Variants in C16orf95 observed in about 807,000 individuals in gnomAD.
C16orf95 encodes the protein uncharacterized protein C16orf95.
C16orf95 carries 41 observed loss-of-function variants against 32.1 expected under a neutral mutation model. That is an observed-to-expected ratio of 1.28 (90% CI 1.00 to 1.66). The LOEUF (loss-of-function observed/expected upper bound fraction) is 1.66. Among genes scored for constraint, C16orf95 ranks in the 40% most tolerant of loss-of-function variants. The probability of loss-of-function intolerance (pLI) is 0.00; values close to 1 mark genes in which losing one functional copy is unlikely to be tolerated. For missense variants in C16orf95, 399 were observed against 325.9 expected, an observed-to-expected ratio of 1.22 and a Z score of -1.73; for synonymous variants, 147 against 128.9, an observed-to-expected ratio of 1.14 and a Z score of -0.95.
At chr16:87,315,650 C>T (rs1039212961) in intron 2 of C16orf95, 122 bp downstream of exon 2, 1 of 764,648 alleles carries the variant, frequency 1.3e-6, no homozygotes. Context: ...CCTGCAACCA[C>T]ACTTTTGTGT....
In C16orf95 at chr16:87,314,956, G is replaced by A. The variant is rs1012802629; in HGVS notation, c.330+15C>T. 6.5e-7 allele frequency: 1 copy of A among 1,535,328 alleles called. No homozygotes were observed. The highest frequency in any genetic ancestry group is 1.2e-5 in the South Asian group (1 of 83,984). Reference sequence around the variant, plus strand: ...CTGGACCCTAGGGGAAGACCTCCTGGTTCAAGTCACCTACCTGCTTTCGGG... The same window carrying A: ...CTGGACCCTAGGGGAAGACCTCCTGATTCAAGTCACCTACCTGCTTTCGGG... On this transcript the variant is annotated intron_variant, in intron 3 of 6. Coordinates refer to ENST00000567970, the MANE Select transcript of C16orf95 (RefSeq NM_001195124.3).
rs112562971 is a variant in C16orf95 at position 87,314,042 on chromosome 16, T to C, written c.330+929A>G. ...CAGCTAAACCAAGTGTTGGTGACGA[T>C]GTGAGGAACTGGAACTTTAGACACT... On this transcript the variant is annotated intron_variant, in intron 3 of 6. Transcript: ENST00000567970. Among the ~76,000 whole-genome samples, 75 of 152,230 alleles carry C rather than the reference T, an allele frequency of 4.9e-4. 1 individual carries two copies. The highest frequency in any genetic ancestry group is 7.9e-4 in the African/African-American group (33 of 41,540).
At chr16:87,309,146 C>T (rs1236014895) in intron 5 of C16orf95, among the ~76,000 whole-genome samples, 1 of 152,046 alleles carries the variant, frequency 6.6e-6, no homozygotes, top group Non-Finnish European at 1.5e-5. Context: ...CAAACTTCAC[C>T]ATAAATGTGA....
At chr16:87,306,023 C>T (rs1597342260) in intron 5 of C16orf95, 118 bp from the exon 6 acceptor site, 2 of 760,312 alleles carry the variant, frequency 2.6e-6, no homozygotes, top group East Asian at 6.8e-5. Flanking sequence ...CAGGACCCAG[C>T]CACAGCCCCG....
At chr16:87,313,180 T>C (rs1213297730) in intron 3 of C16orf95, among the ~76,000 whole-genome samples, 3 of 140,762 alleles carry the variant, frequency 2.1e-5, no homozygotes, top group African/African-American at 7.8e-5. Flanking sequence ...GATTCTAAAA[T>C]TCACATGGAA....
rs1420892197 is a variant in C16orf95, at chr16:87,305,506, C to CCCCCACGAGGCCCCCACCGT, written c.701+212_701+213insACGGTGGGGGCCTCGTGGGG. 1.3e-5 allele frequency among the ~76,000 whole-genome samples: 2 copies of CCCCCACGAGGCCCCCACCGT among 152,090 alleles called. No homozygotes were observed. Among genetic ancestry groups the CCCCCACGAGGCCCCCACCGT allele is most frequent in the African/African-American group, 4.8e-5 (2 of 41,436 alleles). On this transcript the variant is annotated intron_variant, in intron 6 of 6. Transcript: ENST00000567970. This position sits in a 1 kb window ranked among gnomAD's most constrained non-coding sequence, Gnocchi z 4.2. The stretch of plus-strand genomic sequence containing the variant: ...GAAGTGCCCCACGAGGCCCCCGCCG[C>CCCCCACGAGGCCCCCACCGT]CCCCAGGCTGCCCTGGCATCTCTAG...
At position 87,310,742 on chromosome 16, in the gene C16orf95, G is replaced by C. The variant is rs372727429; in HGVS notation, c.477+408C>G. On this transcript the variant is annotated intron_variant, in intron 4 of 6. Coordinates refer to ENST00000567970, the MANE Select transcript of C16orf95 (RefSeq NM_001195124.3). ...CCTCCCTCCATGCAGCCAGGGCCAG[G>C]GGAGAGAGTCAGAGGAGGGGCTGGG... Among the ~76,000 whole-genome samples the C allele has an allele frequency of 3.3e-5, 5 of 152,294 alleles. No homozygotes were observed. In the East Asian group the frequency reaches 7.7e-4, roughly 24 times the overall value.
intron 4 of C16orf95, among the ~76,000 whole-genome samples, chr16:87,310,891 C>A (rs1034322467): frequency 6.6e-6 from 1 of 152,134 alleles, no homozygotes; most frequent in South Asian, 2.1e-4. Flanking sequence ...AGAACAATCA[C>A]CCCTCTGCAG....
At chr16:87,309,441 T>C (rs1911182091) in intron 5 of C16orf95, among the ~76,000 whole-genome samples, 1 of 138,402 alleles carries the variant, frequency 7.2e-6, no homozygotes, top group Admixed American at 7.8e-5. Flanking sequence ...TGGAGTGCAA[T>C]GGTGTGATCT....
chr16:87,313,145 G>A (rs1168129313), intron 3 of C16orf95, among the ~76,000 whole-genome samples: 4 of 151,094 alleles, frequency 2.6e-5, no homozygotes, highest in Admixed American at 6.6e-5. Flanking sequence ...TTCCAGTAGG[G>A]TACTTTTGTA....
rs867412641 is a variant in C16orf95, at chr16:87,311,220, C to T, written c.407G>A (p.Arg136His). ...CPCLCHRFGG[R>H]LPMPRDQAVM... Reference sequence around the variant, plus strand: ...TGCCTGGTCCCTAGGCATCGGGAGGCGGCCCCCAAAGCGGTGGCATAGGCA... The same window carrying T: ...TGCCTGGTCCCTAGGCATCGGGAGGTGGCCCCCAAAGCGGTGGCATAGGCA... Residue 136 changes from arginine (R) to histidine (H), a missense_variant, in exon 4 of 7, where the codon CGC becomes CAC. Transcript: ENST00000567970. 1.6e-5 allele frequency: 24 copies of T among 1,535,642 alleles called. No homozygotes were observed. Among genetic ancestry groups the T allele is most frequent in the African/African-American group, 2.7e-5 (2 of 73,046 alleles).
intron 1 of C16orf95, among the ~76,000 whole-genome samples, chr16:87,316,664 G>A (rs977412617): frequency 2.6e-5 from 4 of 152,008 alleles, no homozygotes; most frequent in African/African-American, 9.7e-5. Flanking sequence ...GGGGGCCACA[G>A]CCATCTCAGT....
chr16:87,311,847 A>T (rs191054726), intron 3 of C16orf95, among the ~76,000 whole-genome samples: 1 of 152,344 alleles, frequency 6.6e-6, no homozygotes, highest in Non-Finnish European at 1.5e-5. Flanking sequence ...GAGTGAATGG[A>T]CAGCCCGAAT....
chr16:87,317,048 C>T (rs1248674472), intron 1 of C16orf95, 43 bp downstream of exon 1: 2 of 1,468,576 alleles, frequency 1.4e-6, no homozygotes, highest in East Asian at 2.6e-5. Flanking sequence ...AACTCACAGG[C>T]GAGGTGTCGG....
chr16:87,311,336 G>A lies in C16orf95; in HGVS notation c.331-40C>T, dbSNP rs182683848. On this transcript the variant is annotated intron_variant, in intron 3 of 6. Transcript: ENST00000567970. ...GGGAGGAGAAGATTCAGAAGGGGAT[G>A]GAGCCATGCCTGTCCCCAATGACTC... 221 of 1,495,446 alleles carry A rather than the reference G, an allele frequency of 1.5e-4. No homozygotes were observed. The African/African-American group carries it at 2.7e-3, about 18-fold the overall frequency. 92.6% of individuals were successfully genotyped at this position (1,495,446 alleles called of 1,614,324 possible). A position where few individuals can be genotyped will look rare whatever the true frequency, so the allele number is the denominator to read the frequency against.
chr16:87,305,573 A>G lies in C16orf95; in HGVS notation c.701+146T>C, dbSNP rs1023072883. 6.4e-6 allele frequency: 4 copies of G among 629,384 alleles called. No homozygotes were observed. The highest frequency in any genetic ancestry group is 1.0e-5 in the Non-Finnish European group (4 of 396,552). The allele number at this position is 629,384 out of a possible 1,614,324, so 39.0% of individuals were successfully genotyped here. ...CCTGCGCTGTGCAGAGCACCACAGG[A>G]CACACTCACAGTGCCGGGCCTTGGA... On this transcript the variant is annotated intron_variant, in intron 6 of 6. Coordinates refer to ENST00000567970, the MANE Select transcript of C16orf95 (RefSeq NM_001195124.3). This position sits in a 1 kb window ranked among gnomAD's most constrained non-coding sequence, Gnocchi z 4.2.
intron 3 of C16orf95, among the ~76,000 whole-genome samples, chr16:87,312,773 A>G (rs1911343711): frequency 6.6e-6 from 1 of 152,148 alleles, no homozygotes; most frequent in African/African-American, 2.4e-5. Flanking sequence ...TGACACAATC[A>G]TCTACATAGA....
At chr16:87,311,603 T>C (rs1911287997) in intron 3 of C16orf95, among the ~76,000 whole-genome samples, 1 of 152,244 alleles carries the variant, frequency 6.6e-6, no homozygotes, top group African/African-American at 2.4e-5. Context: ...GACCTGGCTC[T>C]GTCCTGGTCT....
chr16:87,305,751 G>T lies in C16orf95; in HGVS notation c.669C>A (p.Leu223=). The change falls in exon 6 of 7, where the codon CTC becomes CTA. Residue 223 remains leucine (L), a synonymous_variant. Transcript: ENST00000567970. This position sits in a 1 kb window ranked among gnomAD's most constrained non-coding sequence, Gnocchi z 4.2. ...CCATGATGACCCTCGGGATGGCCTG[G>T]AGGAGGGTCAGGAGGCCGAGGGGCA... ...RLLPLGLLTL[L]QAIPRVIMAI... 6.6e-7 allele frequency: 1 copy of T among 1,516,842 alleles called. No individual in the cohort carries two copies. Among genetic ancestry groups the T allele is most frequent in the Non-Finnish European group, 8.8e-7 (1 of 1,137,672 alleles). The allele number at this position is 1,516,842 out of a possible 1,614,324, so 94.0% of individuals were successfully genotyped here.
Sources: gnomAD v4.1 joint callset for allele counts (sites outside exome capture counted in the v4.1 genomes callset) on GRCh38, gnomAD v4.1.1 for gene constraint, Gnocchi (gnomAD v3.1) non-coding constraint, MANE v1.5 for transcripts, NCBI Gene and HGNC (gene_info 2026-07-23, HGNC 2026-07-21) for gene names.